GMDS: variants seen among roughly 807,000 people sequenced by gnomAD.
GMDS encodes GDP-mannose 4,6-dehydratase.
A neutral mutation model predicts 49.9 loss-of-function variants in GMDS; 20 were observed. The ratio of observed to expected loss-of-function variants is 0.40; its 90% CI spans 0.28 to 0.58. The LOEUF (loss-of-function observed/expected upper bound fraction) is 0.58. GMDS is among the 20% of genes least tolerant of loss of function. The probability of loss-of-function intolerance (pLI) is 0.42; values close to 1 mark genes in which losing one functional copy is unlikely to be tolerated. For synonymous variants in GMDS, 177 were observed against 178.6 expected (o/e 0.99, Z 0.07); for missense variants, 362 against 481.4 (o/e 0.75, Z 2.32).
At chr6:1,685,899 G>A (rs1764959531) in intron 9 of GMDS, among the ~76,000 whole-genome samples, 1 of 152,186 alleles carries the variant, frequency 6.6e-6, no homozygotes, top group Non-Finnish European at 1.5e-5. Flanking sequence ...GCTTATCAGT[G>A]AATTCCTGAA....
At chr6:1,945,071 C>G (rs1260632571) in intron 6 of GMDS, among the ~76,000 whole-genome samples, 1 of 152,130 alleles carries the variant, frequency 6.6e-6, no homozygotes, top group East Asian at 1.9e-4. Flanking sequence ...ACTCCAAGAA[C>G]AAGCACAATT....
intron 7 of GMDS, among the ~76,000 whole-genome samples, chr6:1,913,740 T>C (rs961193706): frequency 6.6e-6 from 1 of 152,218 alleles, no homozygotes; most frequent in African/African-American, 2.4e-5. Context: ...GTGGCCCTGC[T>C]AGAATACACA....
chr6:2,040,833 CA>C, intron 4 of GMDS, among the ~76,000 whole-genome samples: 1 of 152,192 alleles, frequency 6.6e-6, no homozygotes, highest in Non-Finnish European at 1.5e-5. Context: ...TCAAAGAGAT[CA>C]AACCCTGTTA....
At chr6:1,731,381 G>C (rs779110237) in intron 8 of GMDS, among the ~76,000 whole-genome samples, 1 of 152,138 alleles carries the variant, frequency 6.6e-6, no homozygotes, top group Non-Finnish European at 1.5e-5. Context: ...CACCAAAAGG[G>C]TGTCCTCCAA....
At chr6:2,200,933 T>C (rs570710521) in intron 1 of GMDS, among the ~76,000 whole-genome samples, 22 of 139,150 alleles carry the variant, frequency 1.6e-4, no homozygotes, top group African/African-American at 5.7e-4. Flanking sequence ...GAGGGCAGCA[T>C]GTTAGCAGAG....
rs78116287 is a variant in GMDS at position 1,955,057 on chromosome 6, G to A, written c.643+4810C>T. On this transcript the variant is annotated intron_variant, in intron 6 of 10. Coordinates refer to ENST00000380815, the MANE Select transcript of GMDS (RefSeq NM_001500.4). ...AATATTAGGAGAATTCTCAAAATGC[G>A]ACACAGAGACAGGAGGTGAACACCT... Among the ~76,000 whole-genome samples the A allele has an allele frequency of 4.6e-5, 7 of 151,870 alleles. No individual in the cohort carries two copies. In the East Asian group the frequency reaches 1.3e-3, roughly 29 times the overall value.
intron 7 of GMDS, among the ~76,000 whole-genome samples, chr6:1,777,586 A>G (rs1768890661): frequency 1.3e-5 from 2 of 152,240 alleles, no homozygotes; most frequent in Non-Finnish European, 2.9e-5. Flanking sequence ...GATTGTAATG[A>G]CATCAATATT....
intron 7 of GMDS, among the ~76,000 whole-genome samples, chr6:1,805,798 C>T (rs750781851): frequency 6.6e-5 from 10 of 152,042 alleles, no homozygotes; most frequent in African/African-American, 9.6e-5. Context: ...TAGATATAAC[C>T]CACATAAGCA....
At chr6:2,203,710 A>G (rs950930531) in intron 1 of GMDS, among the ~76,000 whole-genome samples, 1 of 152,244 alleles carries the variant, frequency 6.6e-6, no homozygotes. Context: ...CCAAAGAAAT[A>G]TAAGTAGTTT....
At chr6:2,088,424 A>G (rs1012620739) in intron 4 of GMDS, among the ~76,000 whole-genome samples, 7 of 152,334 alleles carry the variant, frequency 4.6e-5, no homozygotes, top group East Asian at 1.9e-4. Context: ...ACGTGGAAAG[A>G]CCTGCAAACT....
intron 4 of GMDS, among the ~76,000 whole-genome samples, chr6:2,070,974 T>G (rs1398219242): frequency 6.6e-6 from 1 of 152,134 alleles, no homozygotes; most frequent in Non-Finnish European, 1.5e-5. Context: ...CTCACTCTTG[T>G]CTACCCACAG....
chr6:1,658,093 C>T (rs1035593479), intron 9 of GMDS, among the ~76,000 whole-genome samples: 3 of 152,140 alleles, frequency 2.0e-5, no homozygotes, highest in African/African-American at 2.4e-5. Context: ...ATCTAGAAAA[C>T]GTGCCTCTGA....
At chr6:2,133,062 G>C (rs1159610605) in intron 1 of GMDS, among the ~76,000 whole-genome samples, 1 of 152,092 alleles carries the variant, frequency 6.6e-6, no homozygotes, top group Non-Finnish European at 1.5e-5. Flanking sequence ...ACAATTAAAG[G>C]CTGTTTCTTT....
intron 6 of GMDS, among the ~76,000 whole-genome samples, chr6:1,946,358 T>G (rs1311881569): frequency 6.6e-6 from 1 of 152,126 alleles, no homozygotes; most frequent in Non-Finnish European, 1.5e-5. Context: ...TATGGGAAAG[T>G]AATTTCACTT....
At chr6:1,810,920 G>A (rs1367751362) in intron 7 of GMDS, among the ~76,000 whole-genome samples, 3 of 152,058 alleles carry the variant, frequency 2.0e-5, no homozygotes, top group Non-Finnish European at 4.4e-5. Context: ...GTATCCTTGT[G>A]GCATTTTCTG....
chr6:2,053,624 A>T (rs1005971924), intron 4 of GMDS, among the ~76,000 whole-genome samples: 16 of 152,114 alleles, frequency 1.1e-4, no homozygotes, highest in African/African-American at 3.4e-4. Flanking sequence ...CAAATGAGAA[A>T]ATTGTAGAAG....
At chr6:1,668,377 T>C (rs1581434441) in intron 9 of GMDS, among the ~76,000 whole-genome samples, 1 of 152,208 alleles carries the variant, frequency 6.6e-6, no homozygotes, top group African/African-American at 2.4e-5. Flanking sequence ...AATTATAAAC[T>C]GTAGATTATA....
intron 6 of GMDS, chr6:1,959,563 T>C (rs1194001307): frequency 5.7e-5 from 11 of 194,522 alleles, no homozygotes; most frequent in African/African-American, 1.9e-4. Context: ...TTCCTTTGCA[T>C]TCATATAGTA....
chr6:2,203,998 T>C (rs1468141912), intron 1 of GMDS, among the ~76,000 whole-genome samples: 1 of 152,088 alleles, frequency 6.6e-6, no homozygotes, highest in Non-Finnish European at 1.5e-5. Context: ...CTGGAAAACC[T>C]GACTTTACAA....
Sources: gnomAD v4.1 joint callset for allele counts (sites outside exome capture counted in the v4.1 genomes callset) on GRCh38, gnomAD v4.1.1 for gene constraint, MANE v1.5 for transcripts, NCBI Gene and HGNC (gene_info 2026-07-23, HGNC 2026-07-21) for gene names.